Variants in POLB observed in about 807,000 individuals in gnomAD.
POLB encodes DNA polymerase beta, also known as 5'-dRP lyase.
In POLB, 37 loss-of-function variants were observed where a neutral mutation model predicts 52.7. That is an observed-to-expected ratio of 0.70 (90% confidence interval 0.54 to 0.92). The LOEUF is 0.92. Ranked by LOEUF, POLB falls within the 40% of genes least tolerant of loss-of-function variation. The pLI is 0.00. For synonymous variants in POLB, 138 were observed against 131.3 expected (o/e 1.05, Z -0.35); for missense variants, 313 against 400.8 (o/e 0.78, Z 1.87).
chr8:42,354,318 G>T, intron 6 of POLB: 2 of 417,514 alleles, frequency 4.8e-6, no homozygotes, highest in Non-Finnish European at 9.0e-6. Context: ...TATTTTTCTC[G>T]ATTTTATATC....
chr8:42,353,990 C>T (rs1284278939), intron 6 of POLB, among the ~76,000 whole-genome samples: 1 of 152,150 alleles, frequency 6.6e-6, no homozygotes, highest in Non-Finnish European at 1.5e-5. Context: ...TCTACATGTG[C>T]ATCTCATACA....
intron 4 of POLB, 127 bp downstream of exon 4, chr8:42,349,217 T>C: frequency 1.8e-6 from 1 of 570,110 alleles, no homozygotes; most frequent in Admixed American, 3.4e-5. Flanking sequence ...GTGAGTGAAG[T>C]TGATGGCTTT....
At chr8:42,366,303 C>T (rs1418322463) in intron 11 of POLB, among the ~76,000 whole-genome samples, 1 of 152,180 alleles carries the variant, frequency 6.6e-6, no homozygotes, top group Non-Finnish European at 1.5e-5. Flanking sequence ...TTCAATCATA[C>T]ATCTGGCAGC....
chr8:42,363,131 AAAAG>A (rs564642699), intron 11 of POLB, among the ~76,000 whole-genome samples: 166 of 152,148 alleles, frequency 1.1e-3, no homozygotes, highest in African/African-American at 2.8e-3. Flanking sequence ...CAAAAAAAAA[AAAAG>A]AAAGAAAAAT....
intron 2 of POLB, chr8:42,341,621 A>C (rs1163686504): frequency 2.4e-5 from 5 of 204,800 alleles, no homozygotes; most frequent in Non-Finnish European, 2.9e-5. Context: ...CCAATCTGTC[A>C]CCAGATTAAC....
rs111948267 is a variant in POLB, at chr8:42,357,042, A to G, written c.423-127A>G. The G allele has an allele frequency of 7.8e-5, 48 of 614,104 alleles. 3 individuals carry two copies. The highest frequency in any genetic ancestry group is 5.0e-4 in the African/African-American group (27 of 53,740). 38.0% of individuals were successfully genotyped at this position (614,104 alleles called of 1,614,324 possible). ...TTGCTGTTGTCATCTCAGTGAATTC[A>G]TTCTAGCCTTGATTTGTGAGAATGA... On this transcript the variant is annotated intron_variant, in intron 7 of 13. Coordinates refer to ENST00000265421, the MANE Select transcript of POLB (RefSeq NM_002690.3).
intron 5 of POLB, among the ~76,000 whole-genome samples, chr8:42,351,966 C>T (rs1479535555): frequency 6.6e-6 from 1 of 152,160 alleles, no homozygotes; most frequent in Non-Finnish European, 1.5e-5. Context: ...CTAATTGTTT[C>T]CTTTTCCCGA....
At chr8:42,344,164 C>T (rs1822446327) in intron 2 of POLB, among the ~76,000 whole-genome samples, 1 of 142,614 alleles carries the variant, frequency 7.0e-6, no homozygotes, top group Non-Finnish European at 1.5e-5. Flanking sequence ...AAAAAAGTGG[C>T]CGGGAGTGGT....
intron 6 of POLB, among the ~76,000 whole-genome samples, chr8:42,353,467 A>G (rs990998413): frequency 1.3e-5 from 2 of 152,176 alleles, no homozygotes; most frequent in Non-Finnish European, 2.9e-5. Flanking sequence ...GCTAAGTTAT[A>G]TATTACTGAA....
In POLB at chr8:42,338,532, C is replaced by T. The variant is rs920775460; in HGVS notation, c.-93C>T. 1 of 1,152,336 alleles carries T rather than the reference C, an allele frequency of 8.7e-7. No individual in the cohort carries two copies. The highest frequency in any genetic ancestry group is 1.5e-5 in the African/African-American group (1 of 66,088). The allele number at this position is 1,152,336 out of a possible 1,614,324, so 71.4% of individuals were successfully genotyped here. On this transcript the variant is annotated 5_prime_UTR_variant, in exon 1 of 14. Coordinates refer to ENST00000265421, the MANE Select transcript of POLB (RefSeq NM_002690.3). ...TCGCGCCGGAGCTGGGTTGCTCCTG[C>T]TCCCGTCTCCAAGTCCTGGTACCTC...
At chr8:42,355,807 A>C (rs1319896633) in intron 7 of POLB, among the ~76,000 whole-genome samples, 1 of 152,146 alleles carries the variant, frequency 6.6e-6, no homozygotes, top group African/African-American at 2.4e-5. Flanking sequence ...TTTAGCAGGG[A>C]ACTTCCTCTT....
At chr8:42,343,452 G>A (rs916276880) in intron 2 of POLB, among the ~76,000 whole-genome samples, 3 of 146,016 alleles carry the variant, frequency 2.1e-5, no homozygotes, top group Non-Finnish European at 4.5e-5. Flanking sequence ...GCTTGAACCT[G>A]GGAGGCAGAG....
At chr8:42,361,661 T>G (rs898450009) in intron 10 of POLB, 1 of 226,712 alleles carries the variant, frequency 4.4e-6, no homozygotes. Context: ...TAATCAGATT[T>G]TCATTAAATT....
chr8:42,347,701 A>G (rs1308652343), intron 3 of POLB, among the ~76,000 whole-genome samples: 3 of 152,148 alleles, frequency 2.0e-5, no homozygotes, highest in Non-Finnish European at 4.4e-5. Flanking sequence ...AAATATTGTG[A>G]TACAGGAAAT....
intron 6 of POLB, chr8:42,354,624 A>C (rs756800957): frequency 2.4e-6 from 1 of 418,580 alleles, no homozygotes; most frequent in Non-Finnish European, 4.7e-6. Context: ...GTTCACTGCA[A>C]CCTCCGCCAC....
chr8:42,350,792 A>G (rs1294128908), intron 5 of POLB, among the ~76,000 whole-genome samples: 1 of 152,210 alleles, frequency 6.6e-6, no homozygotes, highest in East Asian at 1.9e-4. Flanking sequence ...TTAAATTCTT[A>G]AACCTAGTAT....
chr8:42,363,764 CAG>C (rs1024598818), intron 11 of POLB, among the ~76,000 whole-genome samples: 12 of 151,842 alleles, frequency 7.9e-5, no homozygotes, highest in East Asian at 1.9e-4. Flanking sequence ...ATAGAACACT[CAG>C]GGGAAGAAAC....
At chr8:42,343,067 A>G (rs867510175) in intron 2 of POLB, among the ~76,000 whole-genome samples, 16 of 151,990 alleles carry the variant, frequency 1.1e-4, no homozygotes, top group African/African-American at 3.9e-4. Context: ...TAACGCCTGT[A>G]ATCCCAGCAC....
In POLB at chr8:42,338,553, A is replaced by G; in HGVS notation, c.-72A>G. 1 of 1,337,620 alleles carries G rather than the reference A, an allele frequency of 7.5e-7. No individual in the cohort carries two copies. Among genetic ancestry groups the G allele is most frequent in the Non-Finnish European group, 1.1e-6 (1 of 929,172 alleles). The allele number at this position is 1,337,620 out of a possible 1,614,324, so 82.9% of individuals were successfully genotyped here. A position where few individuals can be genotyped will look rare whatever the true frequency, so the allele number is the denominator to read the frequency against. ...CCTGCTCCCGTCTCCAAGTCCTGGT[A>G]CCTCCTTCAAGCTGGGAGAGGGCTC... On this transcript the variant is annotated 5_prime_UTR_variant, in exon 1 of 14. Transcript: ENST00000265421.
Sources: gnomAD v4.1 joint callset for allele counts (sites outside exome capture counted in the v4.1 genomes callset) on GRCh38, gnomAD v4.1.1 for gene constraint, MANE v1.5 for transcripts, NCBI Gene and HGNC (gene_info 2026-07-23, HGNC 2026-07-21) for gene names.